Variants in NFATC3 observed in about 807,000 individuals in gnomAD.
NFATC3 encodes the protein nuclear factor of activated T-cells, cytoplasmic 3.
NFATC3 carries 46 observed loss-of-function variants against 98.6 expected under a neutral mutation model. The observed-to-expected ratio is 0.47, with a 90% CI of 0.37 to 0.60. The LOEUF is 0.60. Among genes scored for constraint, NFATC3 ranks in the 20% least tolerant of loss-of-function variants. The pLI, the probability that NFATC3 is intolerant of heterozygous loss-of-function variation, is 0.00. For missense variants in NFATC3, 1,256 were observed against 1,295.5 expected (o/e 0.97, Z 0.47); for synonymous variants, 512 against 472.2 (o/e 1.08, Z -1.09).
In NFATC3 at chr16:68,126,543, C is replaced by T. The variant is rs2036841025; in HGVS notation, c.1334C>T (p.Ala445Val). Residue 445 changes from alanine (A) to valine (V), a missense_variant, in exon 3 of 10, where the codon GCC becomes GTC. By Grantham distance (64) the Ala-to-Val change is moderately conservative. Coordinates refer to ENST00000346183, the MANE Select transcript of NFATC3 (RefSeq NM_173165.3). ...GTGCAACCTAAAACTCATCATCGAG[C>T]CCATTATGAAACTGAAGGTAGCCGA... ...IEVQPKTHHR[A>V]HYETEGSRGA... The T allele has an allele frequency of 6.2e-7, 1 of 1,613,960 alleles. No homozygotes were observed. Among genetic ancestry groups the T allele is most frequent in the Non-Finnish European group, 8.5e-7 (1 of 1,179,984 alleles).
At chr16:68,142,827 C>T (rs908082163) in intron 3 of NFATC3, among the ~76,000 whole-genome samples, 1 of 151,984 alleles carries the variant, frequency 6.6e-6, no homozygotes, top group Non-Finnish European at 1.5e-5. Flanking sequence ...ATGATCGTAT[C>T]TTTGGCAAAT....
intron 1 of NFATC3, among the ~76,000 whole-genome samples, chr16:68,114,032 T>G (rs1218109371): frequency 6.6e-6 from 1 of 152,218 alleles, no homozygotes; most frequent in African/African-American, 2.4e-5. Context: ...AGCCACAACC[T>G]GAGCAGGTTG....
intron 3 of NFATC3, among the ~76,000 whole-genome samples, chr16:68,141,923 A>G (rs1167778757): frequency 6.6e-6 from 1 of 152,060 alleles, no homozygotes; most frequent in Non-Finnish European, 1.5e-5. Context: ...GTTTTCCTGT[A>G]GGATTTTTAT....
intron 1 of NFATC3, among the ~76,000 whole-genome samples, chr16:68,098,183 G>T (rs964672803): frequency 1.3e-5 from 2 of 151,360 alleles, no homozygotes; most frequent in African/African-American, 2.4e-5. Context: ...TATTGTCTTT[G>T]TATGGACACA....
intron 4 of NFATC3, among the ~76,000 whole-genome samples, chr16:68,165,225 A>G (rs1032500584): frequency 1.3e-5 from 2 of 152,164 alleles, no homozygotes; most frequent in Middle Eastern, 3.2e-3. Flanking sequence ...TATCAGTTAT[A>G]TAATTTGTTA....
At chr16:68,106,195 A>G (rs1437790925) in intron 1 of NFATC3, among the ~76,000 whole-genome samples, 2 of 152,094 alleles carry the variant, frequency 1.3e-5, no homozygotes, top group Admixed American at 1.3e-4. Flanking sequence ...TTATTATCAT[A>G]GTATTCTTAC....
chr16:68,211,984 A>G (rs2041424514), intron 9 of NFATC3, among the ~76,000 whole-genome samples: 3 of 152,208 alleles, frequency 2.0e-5, no homozygotes, highest in Admixed American at 2.0e-4. Context: ...TCCACTCACA[A>G]AAGCTCCCAT....
intron 1 of NFATC3, among the ~76,000 whole-genome samples, chr16:68,120,664 T>A (rs2036524897): frequency 6.6e-6 from 1 of 151,580 alleles, no homozygotes; most frequent in Admixed American, 6.6e-5. Flanking sequence ...GCAGGAGAAT[T>A]GCTTGAATCC....
chr16:68,220,932 A>G (rs1357617974), intron 9 of NFATC3, among the ~76,000 whole-genome samples: 1 of 151,980 alleles, frequency 6.6e-6, no homozygotes, highest in Non-Finnish European at 1.5e-5. Flanking sequence ...AAAAAAAAAA[A>G]AATTGTCACT....
chr16:68,167,810 C>CCTTTTT (rs2039270785), intron 5 of NFATC3, among the ~76,000 whole-genome samples: 1 of 23,898 alleles, frequency 4.2e-5, no homozygotes, highest in Non-Finnish European at 1.1e-4. Context: ...CGTATGTGTT[C>CCTTTTT]TTTTTTTTTT....
intron 9 of NFATC3, chr16:68,224,826 TATA>T (rs1458489289): frequency 6.6e-6 from 1 of 152,238 alleles, no homozygotes; most frequent in Admixed American, 6.5e-5. Flanking sequence ...TGTTTTTGTT[TATA>T]ACAGCTGTAA....
At chr16:68,134,994 A>G (rs971532618) in intron 3 of NFATC3, among the ~76,000 whole-genome samples, 1 of 148,804 alleles carries the variant, frequency 6.7e-6, no homozygotes, top group African/African-American at 2.5e-5. Context: ...TTTTTTTTTT[A>G]TCGTTTATGG....
intron 9 of NFATC3, among the ~76,000 whole-genome samples, chr16:68,216,115 G>T (rs900002756): frequency 6.6e-6 from 1 of 152,150 alleles, no homozygotes; most frequent in Non-Finnish European, 1.5e-5. Flanking sequence ...ATGCCGCAAG[G>T]TGTTGAAGAG....
Position 68,122,689 on chromosome 16 carries a change from C to G in NFATC3, c.806C>G (p.Ser269Cys), listed in dbSNP as rs762935652. 6.2e-7 allele frequency: 1 copy of G among 1,614,190 alleles called. No homozygotes were observed. Among genetic ancestry groups the G allele is most frequent in the Non-Finnish European group, 8.5e-7 (1 of 1,180,046 alleles). ...TCAGGACCCTCATCAAGGCCCACAT[C>G]CCCCTGTGGGAAACGGAGGCACTCC... ...PASGPSSRPT[S>C]PCGKRRHSSA... Residue 269 changes from serine to cysteine, a missense_variant, in exon 2 of 10, where the codon TCC (serine) becomes TGC (cysteine). By Grantham distance (112) the Ser-to-Cys change is moderately radical. Around this residue, in one of 3 missense-constraint regions of NFATC3, gnomAD observed 464 missense variants for 465.7 expected, o/e 1.00. Transcript: ENST00000346183.
At chr16:68,148,165 C>T (rs563367329) in intron 3 of NFATC3, among the ~76,000 whole-genome samples, 12 of 152,070 alleles carry the variant, frequency 7.9e-5, no homozygotes, top group Middle Eastern at 3.4e-3. Flanking sequence ...TAGAGGCATT[C>T]GCCACCATGC....
intron 1 of NFATC3, among the ~76,000 whole-genome samples, chr16:68,095,974 CTTATT>C (rs1156448910): frequency 6.6e-6 from 1 of 152,124 alleles, no homozygotes; most frequent in Non-Finnish European, 1.5e-5. Flanking sequence ...TTTTTAAATG[CTTATT>C]TTATTTTATT....
At chr16:68,127,694 A>G (rs1328042724) in intron 3 of NFATC3, among the ~76,000 whole-genome samples, 1 of 152,044 alleles carries the variant, frequency 6.6e-6, no homozygotes, top group Non-Finnish European at 1.5e-5. Context: ...TCTCAAAAAA[A>G]AAAAAAAAGG....
chr16:68,208,810 A>G (rs1043629091), intron 9 of NFATC3, among the ~76,000 whole-genome samples: 14 of 151,830 alleles, frequency 9.2e-5, no homozygotes, highest in Non-Finnish European at 4.4e-5. Context: ...GTACAACTGA[A>G]TATTGTGTGT....
intron 1 of NFATC3, among the ~76,000 whole-genome samples, chr16:68,108,688 A>G (rs2035793275): frequency 6.6e-6 from 1 of 152,170 alleles, no homozygotes; most frequent in African/African-American, 2.4e-5. Flanking sequence ...TTTTCACAAT[A>G]TTGATTCTTC....
Sources: allele counts gnomAD v4.1 joint callset (sites outside exome capture counted in the v4.1 genomes callset), GRCh38; gene constraint gnomAD v4.1.1; regional missense constraint gnomAD v4.1.1; transcripts MANE v1.5; gene names NCBI Gene and HGNC (gene_info 2026-07-23, HGNC 2026-07-21).